DMD: variants seen among roughly 807,000 people sequenced by gnomAD.
DMD encodes mutant dystrophin.
Under a neutral mutation model 330.1 loss-of-function variants are expected in DMD, and 63 were observed. The ratio of observed to expected loss-of-function variants is 0.19; its 90% CI spans 0.16 to 0.24. The LOEUF (loss-of-function observed/expected upper bound fraction) is 0.24. Among genes scored for constraint, DMD ranks in the 10% least tolerant of loss-of-function variants. The pLI is 1.00. For synonymous variants in DMD, 1,223 were observed against 959.8 expected (o/e 1.27, Z -5.07); for missense variants, 3,344 against 2,684.1 (o/e 1.25, Z -5.43).
chrX:32,315,447 C>T (rs1329594215), intron 41 of DMD, among the ~76,000 whole-genome samples: 2 of 109,768 alleles, frequency 1.8e-5, no homozygotes, highest in African/African-American at 3.3e-5. Flanking sequence ...CAAACCACCA[C>T]GGAACATGTA....
intron 59 of DMD, among the ~76,000 whole-genome samples, chrX:31,461,011 G>A (rs1479252439): frequency 9.0e-6 from 1 of 111,368 alleles, no homozygotes; most frequent in Non-Finnish European, 1.9e-5. Context: ...ATAAACCACC[G>A]TCAAAGTCTT....
At chrX:31,222,743 T>C (rs2046230855) in intron 64 of DMD, among the ~76,000 whole-genome samples, 1 of 111,834 alleles carries the variant, frequency 8.9e-6, no homozygotes, top group Admixed American at 9.5e-5. Context: ...AGAACAAGGA[T>C]TGTGCAAGTT....
chrX:31,630,722 T>C (rs1019349105), intron 54 of DMD, among the ~76,000 whole-genome samples: 1 of 111,525 alleles, frequency 9.0e-6, no homozygotes, highest in African/African-American at 3.3e-5. Context: ...ACCAAAGGTC[T>C]TGAATTAGAT....
chrX:31,124,734 CTCACACG>C (rs1881068583), intron 78 of DMD, among the ~76,000 whole-genome samples: 1 of 112,112 alleles, frequency 8.9e-6, no homozygotes, highest in African/African-American at 3.2e-5. Context: ...CACATTTAGT[CTCACACG>C]TCACCACTGC....
intron 30 of DMD, among the ~76,000 whole-genome samples, chrX:32,406,879 A>G (rs1214837213): frequency 2.7e-5 from 3 of 111,319 alleles, no homozygotes. Flanking sequence ...TGGGGAAACG[A>G]TTCCCTATTT....
chrX:32,765,826 T>C (rs2072914922), intron 7 of DMD, among the ~76,000 whole-genome samples: 1 of 112,281 alleles, frequency 8.9e-6, no homozygotes, highest in East Asian at 2.8e-4. Flanking sequence ...CGCTTTCTTC[T>C]AAAAGTTCTG....
At chrX:32,218,266 T>G (rs1243586970) in intron 43 of DMD, among the ~76,000 whole-genome samples, 1 of 111,663 alleles carries the variant, frequency 9.0e-6, no homozygotes, top group African/African-American at 3.3e-5. Context: ...CGCTGTTATT[T>G]TTCAAAGCAT....
At chrX:31,809,134 AAT>A (rs1242116946) in intron 50 of DMD, among the ~76,000 whole-genome samples, 19 of 96,285 alleles carry the variant, frequency 2.0e-4, no homozygotes, top group Admixed American at 3.6e-4. Context: ...TTTATATATA[AAT>A]ATATATGAGT....
At chrX:32,432,690 CTAT>C (rs753032406) in intron 29 of DMD, among the ~76,000 whole-genome samples, 7 of 112,331 alleles carry the variant, frequency 6.2e-5, no homozygotes, top group Non-Finnish European at 9.4e-5. Flanking sequence ...ATGGCTTTTA[CTAT>C]TATTATAGAC....
chrX:32,060,599 T>A (rs1392424906), intron 44 of DMD, among the ~76,000 whole-genome samples: 1 of 111,313 alleles, frequency 9.0e-6, no homozygotes, highest in Non-Finnish European at 1.9e-5. Flanking sequence ...AGAACACCCC[T>A]CCAGAACACA....
intron 43 of DMD, among the ~76,000 whole-genome samples, chrX:32,244,617 C>A (rs1395136520): frequency 1.1e-5 from 1 of 87,936 alleles, no homozygotes; most frequent in Non-Finnish European, 2.2e-5. Flanking sequence ...TCCTCTCCAG[C>A]ACCTGTTGTT....
chrX:32,687,782 A>C (rs2147426007), intron 9 of DMD, among the ~76,000 whole-genome samples: 1 of 110,900 alleles, frequency 9.0e-6, no homozygotes, highest in South Asian at 3.9e-4. Context: ...TAAGCTCCCA[A>C]GTTTTGAGTT....
chrX:32,656,445 T>C lies in DMD; in HGVS notation c.961-11293A>G, dbSNP rs767146174. Among the ~76,000 whole-genome samples the C allele has an allele frequency of 4.5e-5, 5 of 112,255 alleles. No homozygotes were observed. In the South Asian group the frequency reaches 1.8e-3, roughly 41 times the overall value. On this transcript the variant is annotated intron_variant, in intron 9 of 78. Transcript: ENST00000357033. ...CTGAAAGAGAAACAAACTCATTTTTTAGTTCATCCATCCTTGTGTTTTTGT... is the reference window on the plus strand; with the variant it reads ...CTGAAAGAGAAACAAACTCATTTTTCAGTTCATCCATCCTTGTGTTTTTGT...
chrX:32,859,625 C>A (rs1209102805), intron 2 of DMD, among the ~76,000 whole-genome samples: 1 of 111,357 alleles, frequency 9.0e-6, no homozygotes, highest in African/African-American at 3.3e-5. Flanking sequence ...TAGGGGAAGG[C>A]ATTATTCCCT....
chrX:32,588,396 A>C (rs751647355), intron 13 of DMD, among the ~76,000 whole-genome samples: 4 of 111,986 alleles, frequency 3.6e-5, no homozygotes, highest in Non-Finnish European at 5.6e-5. Flanking sequence ...GATCTTATGA[A>C]GCAGAGTCGT....
chrX:32,420,417 A>G (rs5971634), intron 29 of DMD, among the ~76,000 whole-genome samples: 2,768 of 111,774 alleles, frequency 0.025, 79 homozygotes, highest in African/African-American at 0.083. Context: ...AAAATTAGAA[A>G]AAATGTAGCT....
chrX:32,557,664 G>A (rs1257430620), intron 16 of DMD, among the ~76,000 whole-genome samples: 1 of 111,667 alleles, frequency 9.0e-6, no homozygotes, highest in African/African-American at 3.3e-5. Context: ...CACAGGCATG[G>A]TAGCACAAGG....
intron 48 of DMD, among the ~76,000 whole-genome samples, chrX:31,845,168 A>C (rs1331168678): frequency 1.8e-5 from 2 of 110,684 alleles, no homozygotes; most frequent in Non-Finnish European, 3.8e-5. Context: ...TGAGCACAGA[A>C]GACTGCTCCT....
intron 1 of DMD, among the ~76,000 whole-genome samples, chrX:33,130,176 G>A (rs1013600922): frequency 8.9e-6 from 1 of 111,752 alleles, no homozygotes; most frequent in Admixed American, 9.5e-5. Context: ...TTAGCTCTTG[G>A]CCAGGGAAGA....
Sources: allele counts gnomAD v4.1 joint callset (sites outside exome capture counted in the v4.1 genomes callset), GRCh38; gene constraint gnomAD v4.1.1; transcripts MANE v1.5; gene names NCBI Gene and HGNC (gene_info 2026-07-23, HGNC 2026-07-21).